Variants in PRKCE observed in about 807,000 individuals in gnomAD.
PRKCE encodes protein kinase C epsilon.
A neutral mutation model predicts 85.4 loss-of-function variants in PRKCE; 16 were observed. That is an observed-to-expected ratio of 0.19 (90% confidence interval 0.13 to 0.28). The LOEUF (loss-of-function observed/expected upper bound fraction) is 0.28, where lower values mean the gene tolerates loss of function less well. Ranked by LOEUF, PRKCE falls within the 10% of genes least tolerant of loss-of-function variation. The pLI, the probability that PRKCE is intolerant of heterozygous loss-of-function variation, is 1.00. For missense variants in PRKCE, 573 were observed against 975.2 expected (o/e 0.59, Z 5.49); for synonymous variants, 388 against 371.5 (o/e 1.04, Z -0.51).
chr2:46,163,950 G>A (rs930175440), intron 14 of PRKCE, among the ~76,000 whole-genome samples: 7 of 152,154 alleles, frequency 4.6e-5, no homozygotes, highest in Non-Finnish European at 8.8e-5. Flanking sequence ...CCCCACAGAG[G>A]CCACTGAGAG....
chr2:45,979,264 C>T lies in PRKCE; in HGVS notation c.607+254C>T, dbSNP rs370812786. 5.9e-5 allele frequency among the ~76,000 whole-genome samples: 9 copies of T among 152,334 alleles called. No individual in the cohort carries two copies. The East Asian group carries it at 1.7e-3, about 29-fold the overall frequency. ...AATCCACCCGGCCTTTGTGTCTCAA[C>T]TGGAGCAGGTGGCACTTTCATCTTT... On this transcript the variant is annotated intron_variant, in intron 4 of 14. Transcript: ENST00000306156.
At chr2:45,768,498 T>G (rs1161082564) in intron 1 of PRKCE, among the ~76,000 whole-genome samples, 1 of 152,178 alleles carries the variant, frequency 6.6e-6, no homozygotes, top group African/African-American at 2.4e-5. Flanking sequence ...CCTCTTTTCC[T>G]TCTGTAAAAA....
chr2:45,701,243 A>G (rs1678616674), intron 1 of PRKCE: 2 of 152,120 alleles, frequency 1.3e-5, no homozygotes, highest in Non-Finnish European at 1.5e-5. Flanking sequence ...GGCACATTTT[A>G]TTTTTCTATG....
At chr2:45,712,515 A>C in intron 1 of PRKCE, among the ~76,000 whole-genome samples, 1 of 152,096 alleles carries the variant, frequency 6.6e-6, no homozygotes, top group East Asian at 1.9e-4. Flanking sequence ...AAAGCCCCTG[A>C]TGGGAAGCCT....
chr2:46,095,524 C>G (rs1193988540), intron 11 of PRKCE, among the ~76,000 whole-genome samples: 1 of 152,218 alleles, frequency 6.6e-6, no homozygotes, highest in East Asian at 1.9e-4. Context: ...AACCAAATCT[C>G]TCTTTTCTCT....
intron 1 of PRKCE, among the ~76,000 whole-genome samples, chr2:45,831,187 C>T (rs894044740): frequency 6.6e-5 from 10 of 152,122 alleles, no homozygotes; most frequent in African/African-American, 2.4e-4. Context: ...GGTATATTAG[C>T]CATTGAGTGG....
intron 1 of PRKCE, among the ~76,000 whole-genome samples, chr2:45,763,825 A>C (rs1684703534): frequency 3.3e-5 from 5 of 152,208 alleles, no homozygotes; most frequent in Admixed American, 3.3e-4. Flanking sequence ...GAAAAGTGAC[A>C]CACACCTTGT....
chr2:45,786,013 C>T lies in PRKCE; in HGVS notation c.349-56987C>T, dbSNP rs1031049565. On this transcript the variant is annotated intron_variant, in intron 1 of 14. Transcript: ENST00000306156. The surrounding 1 kb of genome is among the most constrained non-coding windows in gnomAD (Gnocchi z 5.3). Reference sequence around the variant, plus strand: ...TTCTGCTGCAGTCATGCTGCCTCAGCGCTGCTGAGGGGTCTAGAGTCTCAC... The same window carrying T: ...TTCTGCTGCAGTCATGCTGCCTCAGTGCTGCTGAGGGGTCTAGAGTCTCAC... Among the ~76,000 whole-genome samples, 6 of 152,164 alleles carry T rather than the reference C, an allele frequency of 3.9e-5. No individual in the cohort carries two copies. The highest frequency in any genetic ancestry group is 1.2e-4 in the African/African-American group (5 of 41,420).
At chr2:46,081,858 G>A (rs1669110046) in intron 10 of PRKCE, among the ~76,000 whole-genome samples, 1 of 152,216 alleles carries the variant, frequency 6.6e-6, no homozygotes, top group Non-Finnish European at 1.5e-5. Context: ...CATTCTGGGA[G>A]GCCAAGGTGA....
upstream of PRKCE, chr2:45,651,549 C>G (rs1350500051): frequency 6.5e-6 from 1 of 154,814 alleles, no homozygotes; most frequent in Non-Finnish European, 1.4e-5. Flanking sequence ...AACATCCCTC[C>G]GTTCACCCCC....
At chr2:45,678,376 G>A (rs2103904035) in intron 1 of PRKCE, among the ~76,000 whole-genome samples, 1 of 152,302 alleles carries the variant, frequency 6.6e-6, no homozygotes, top group East Asian at 1.9e-4. Context: ...TAACATTAGT[G>A]AGGGATCAGG....
intron 2 of PRKCE, among the ~76,000 whole-genome samples, chr2:45,945,408 G>A (rs769896415): frequency 1.3e-5 from 2 of 152,256 alleles, no homozygotes; most frequent in South Asian, 4.1e-4. Context: ...TGGATCTCAT[G>A]TGAACTCAGA....
chr2:46,022,155 C>A (rs556579397), intron 10 of PRKCE, among the ~76,000 whole-genome samples: 29 of 152,270 alleles, frequency 1.9e-4, no homozygotes, highest in Non-Finnish European at 3.7e-4. Flanking sequence ...AAGAAGGCAC[C>A]ACGAGTCAAG....
intron 11 of PRKCE, among the ~76,000 whole-genome samples, chr2:46,134,514 G>A (rs1026892255): frequency 5.3e-5 from 8 of 152,236 alleles, no homozygotes; most frequent in African/African-American, 1.7e-4. Context: ...TACATTTCGT[G>A]TAAAAATGCC....
chr2:45,872,259 C>A (rs934691362), intron 2 of PRKCE, among the ~76,000 whole-genome samples: 5 of 152,088 alleles, frequency 3.3e-5, no homozygotes, highest in Non-Finnish European at 5.9e-5. Context: ...GAAAGAACAT[C>A]ACGTTGGGCA....
chr2:45,682,365 C>G (rs1172291479), intron 1 of PRKCE, among the ~76,000 whole-genome samples: 1 of 152,174 alleles, frequency 6.6e-6, no homozygotes, highest in East Asian at 1.9e-4. Context: ...TTTGAAATAA[C>G]ACACTGGTGG....
intron 2 of PRKCE, among the ~76,000 whole-genome samples, chr2:45,915,621 C>G (rs1697709693): frequency 1.3e-5 from 2 of 152,176 alleles, no homozygotes; most frequent in Non-Finnish European, 2.9e-5. Context: ...TGTAGATTTT[C>G]AAGTATCTCA....
chr2:45,963,948 G>A (rs930477285), intron 2 of PRKCE, among the ~76,000 whole-genome samples: 1 of 152,250 alleles, frequency 6.6e-6, no homozygotes, highest in Admixed American at 6.5e-5. Flanking sequence ...GGAGCCCAAG[G>A]TGAGGTAGCT....
intron 1 of PRKCE, among the ~76,000 whole-genome samples, chr2:45,792,853 C>T (rs1687139021): frequency 6.6e-6 from 1 of 152,192 alleles, no homozygotes; most frequent in African/African-American, 2.4e-5. Context: ...GGCTGGAGTA[C>T]AGTGGCACGA....
Sources: gnomAD v4.1 joint callset for allele counts (sites outside exome capture counted in the v4.1 genomes callset) on GRCh38, gnomAD v4.1.1 for gene constraint, Gnocchi (gnomAD v3.1) non-coding constraint, MANE v1.5 for transcripts, NCBI Gene and HGNC (gene_info 2026-07-23, HGNC 2026-07-21) for gene names.